BMERB1: variants seen among roughly 807,000 people sequenced by gnomAD.
BMERB1 encodes the protein bMERB domain containing 1, also known as bMERB domain-containing protein 1.
A neutral mutation model predicts 23.6 loss-of-function variants in BMERB1; 12 were observed. That is an observed-to-expected ratio of 0.51 (90% CI 0.33 to 0.82). The LOEUF (loss-of-function observed/expected upper bound fraction) is 0.82, where lower values mean the gene tolerates loss of function less well. BMERB1 is among the 40% of genes least tolerant of loss of function. BMERB1 has a pLI of 0.03. For synonymous variants in BMERB1, 122 were observed against 96.6 expected, an observed-to-expected ratio of 1.26 and a Z score of -1.54; for missense variants, 247 against 255.4, an observed-to-expected ratio of 0.97 and a Z score of 0.22.
intron 1 of BMERB1, among the ~76,000 whole-genome samples, chr16:15,442,324 T>A (rs2050946151): frequency 6.7e-6 from 1 of 149,790 alleles, no homozygotes; most frequent in Admixed American, 6.7e-5. Flanking sequence ...AGTGAGACAC[T>A]GTCTCAAGAA....
chr16:15,555,349 G>A (rs758337748), intron 2 of BMERB1, among the ~76,000 whole-genome samples: 4 of 152,180 alleles, frequency 2.6e-5, no homozygotes, highest in Non-Finnish European at 5.9e-5. Flanking sequence ...TGGGATTACA[G>A]GCATGAGCCA....
rs1372908862 is a variant in BMERB1 at position 15,515,379 on chromosome 16, C to A, written c.181C>A (p.Gln61Lys). 5.6e-6 allele frequency: 9 copies of A among 1,613,882 alleles called. No individual in the cohort carries two copies. Among genetic ancestry groups the A allele is most frequent in the Non-Finnish European group, 7.6e-6 (9 of 1,180,016 alleles). Residue 61 changes from glutamine to lysine, a missense_variant, in exon 2 of 6, where the codon CAG becomes AAG. Coordinates refer to ENST00000300006, the MANE Select transcript of BMERB1 (RefSeq NM_033201.3). ...GATTGAGCTGGAGATGGCAAAAATT[C>A]AGCGTCTCCGGGAAGTCTTGGTCCG... ...EEIELEMAKI[Q>K]RLREVLVRRE...
chr16:15,472,177 A>G (rs2051234374), intron 1 of BMERB1, among the ~76,000 whole-genome samples: 1 of 152,150 alleles, frequency 6.6e-6, no homozygotes, highest in South Asian at 2.1e-4. Context: ...TGGCCGGGGT[A>G]TGGTCTATCT....
At chr16:15,517,666 A>C (rs1177639316) in intron 2 of BMERB1, among the ~76,000 whole-genome samples, 1 of 130,364 alleles carries the variant, frequency 7.7e-6, no homozygotes, top group East Asian at 2.5e-4. Context: ...ATTTATTTTT[A>C]TTTACCTAAT....
chr16:15,547,487 T>C (rs2029956785), intron 2 of BMERB1, among the ~76,000 whole-genome samples: 1 of 151,160 alleles, frequency 6.6e-6, no homozygotes, highest in Admixed American at 6.6e-5. Context: ...GGATTACAGG[T>C]GCCTGCCACC....
At chr16:15,436,095 G>A (rs2050885658) in intron 1 of BMERB1, among the ~76,000 whole-genome samples, 1 of 151,986 alleles carries the variant, frequency 6.6e-6, no homozygotes, top group Non-Finnish European at 1.5e-5. Flanking sequence ...GAATACATGA[G>A]ATATTTTGAT....
chr16:15,489,237 C>T (rs2051395575), intron 1 of BMERB1, among the ~76,000 whole-genome samples: 1 of 152,180 alleles, frequency 6.6e-6, no homozygotes, highest in Non-Finnish European at 1.5e-5. Context: ...CCAAAGGAAA[C>T]AGGTCCTATT....
intron 1 of BMERB1, among the ~76,000 whole-genome samples, chr16:15,449,362 A>T (rs1229911424): frequency 6.6e-6 from 1 of 152,136 alleles, no homozygotes; most frequent in Non-Finnish European, 1.5e-5. Context: ...GACACTGGGG[A>T]CTACAAGAGG....
At chr16:15,467,514 G>T (rs1252178032) in intron 1 of BMERB1, among the ~76,000 whole-genome samples, 1 of 152,086 alleles carries the variant, frequency 6.6e-6, no homozygotes, top group Non-Finnish European at 1.5e-5. Context: ...GCCTGTTCAT[G>T]TCCTTTGTCC....
At chr16:15,492,935 AAG>A (rs2051436179) in intron 1 of BMERB1, among the ~76,000 whole-genome samples, 1 of 151,982 alleles carries the variant, frequency 6.6e-6, no homozygotes, top group Non-Finnish European at 1.5e-5. Context: ...AAAGAAAAAA[AAG>A]AAGAAAGTGA....
intron 1 of BMERB1, among the ~76,000 whole-genome samples, chr16:15,504,331 A>G (rs910115121): frequency 3.3e-5 from 5 of 152,222 alleles, no homozygotes; most frequent in Non-Finnish European, 7.3e-5. Context: ...TAAAATTTCA[A>G]TGAATATAGT....
intron 1 of BMERB1, among the ~76,000 whole-genome samples, chr16:15,436,189 A>G (rs1194041289): frequency 6.6e-6 from 1 of 152,124 alleles, no homozygotes; most frequent in Admixed American, 6.6e-5. Flanking sequence ...TTGTGTTACA[A>G]ACAATCCAAT....
chr16:15,586,410 G>A (rs1158609321), intron 5 of BMERB1, among the ~76,000 whole-genome samples: 1 of 152,168 alleles, frequency 6.6e-6, no homozygotes, highest in Non-Finnish European at 1.5e-5. Context: ...AATACTTCTT[G>A]GATGTCAGGC....
intron 2 of BMERB1, among the ~76,000 whole-genome samples, chr16:15,539,720 G>A (rs1370042622): frequency 6.6e-6 from 1 of 151,890 alleles, no homozygotes; most frequent in Non-Finnish European, 1.5e-5. Flanking sequence ...GTGCACACCT[G>A]TAGTCCCAGC....
At chr16:15,466,645 A>G (rs1176511030) in intron 1 of BMERB1, among the ~76,000 whole-genome samples, 2 of 152,202 alleles carry the variant, frequency 1.3e-5, no homozygotes, top group Non-Finnish European at 2.9e-5. Flanking sequence ...AGCTAAATAC[A>G]GTATCAAAGA....
intron 2 of BMERB1, among the ~76,000 whole-genome samples, chr16:15,524,294 A>G (rs962436808): frequency 6.6e-5 from 10 of 152,154 alleles, no homozygotes; most frequent in African/African-American, 2.4e-4. Flanking sequence ...TGGACAAAAT[A>G]TACAAGAAGT....
At chr16:15,444,144 T>TTTTTTTTTTTTTTTG (rs2050969681) in intron 1 of BMERB1, among the ~76,000 whole-genome samples, 1 of 131,986 alleles carries the variant, frequency 7.6e-6, no homozygotes, top group African/African-American at 2.8e-5. Flanking sequence ...TTTTTTTTTT[T>TTTTTTTTTTTTTTTG]TTTTTTGGCT....
At chr16:15,545,441 C>T (rs1039286480) in intron 2 of BMERB1, among the ~76,000 whole-genome samples, 6 of 152,116 alleles carry the variant, frequency 3.9e-5, no homozygotes, top group East Asian at 1.9e-4. Flanking sequence ...AGAGAAGACC[C>T]GGTGTGGTTG....
rs2030800156 is a variant in BMERB1, at chr16:15,574,108, T to G, written c.304+6052T>G. ...ATAGCTGGGGAAGCCTCAGGAAACT[T>G]ACAATCATGGTGGAAGGTGAAGGAG... On this transcript the variant is annotated intron_variant, in intron 3 of 5. Transcript: ENST00000300006. Among the ~76,000 whole-genome samples the G allele has an allele frequency of 4.0e-5, 6 of 150,770 alleles. 1 individual carries two copies. In the South Asian group the frequency reaches 1.3e-3, roughly 32 times the overall value.
Sources: gnomAD v4.1 joint callset for allele counts (sites outside exome capture counted in the v4.1 genomes callset) on GRCh38, gnomAD v4.1.1 for gene constraint, MANE v1.5 for transcripts, NCBI Gene and HGNC (gene_info 2026-07-23, HGNC 2026-07-21) for gene names.